Variants in NHSL1 observed in about 807,000 individuals in gnomAD.
The protein encoded by NHSL1 is NHS like 1, also known as NHS-like protein 1.
In NHSL1, 48 loss-of-function variants were observed where a neutral mutation model predicts 95.0. The ratio of observed to expected loss-of-function variants is 0.51; its 90% confidence interval spans 0.40 to 0.64. NHSL1 has a LOEUF of 0.64. Among genes scored for constraint, NHSL1 ranks in the 30% least tolerant of loss-of-function variants. NHSL1 has a pLI of 0.00. For synonymous variants in NHSL1, 783 were observed against 833.9 expected (o/e 0.94, Z 1.05); for missense variants, 1,971 against 2,077.7 (o/e 0.95, Z 1.00).
At position 138,471,791 on chromosome 6, in the gene NHSL1, C is replaced by T. The variant is rs575281164; in HGVS notation, c.339+1515G>A. ...AAAAAGGTAAGCACAGTGACAGATA[C>T]GTTAGTCTGATTTAATCATTCCATA... On this transcript the variant is annotated intron_variant, in intron 3 of 7. Coordinates refer to ENST00000343505, the MANE Select transcript of NHSL1 (RefSeq NM_001144060.2). Among the ~76,000 whole-genome samples, 14 of 152,170 alleles carry T rather than the reference C, an allele frequency of 9.2e-5. No individual in the cohort carries two copies. In the East Asian group the frequency reaches 2.1e-3, roughly 23 times the overall value.
intron 3 of NHSL1, among the ~76,000 whole-genome samples, chr6:138,469,573 G>A (rs1343911729): frequency 6.6e-6 from 1 of 151,878 alleles, no homozygotes; most frequent in Non-Finnish European, 1.5e-5. Context: ...AAAAATACAA[G>A]AATCAGCTGG....
intron 1 of NHSL1, among the ~76,000 whole-genome samples, chr6:138,666,816 G>A (rs1396544292): frequency 3.3e-5 from 5 of 152,118 alleles, no homozygotes; most frequent in Non-Finnish European, 5.9e-5. Flanking sequence ...ACGATGACTC[G>A]CTCTGAAGAG....
At chr6:138,455,953 C>T (rs934050402) in intron 3 of NHSL1, among the ~76,000 whole-genome samples, 4 of 152,212 alleles carry the variant, frequency 2.6e-5, no homozygotes, top group African/African-American at 9.6e-5. Context: ...GAATCATTTT[C>T]TTTGAAGCGT....
intron 2 of NHSL1, among the ~76,000 whole-genome samples, chr6:138,489,853 GGAGAGAGAGA>G (rs1202082058): frequency 2.7e-5 from 1 of 36,964 alleles, no homozygotes; most frequent in Admixed American, 2.9e-4. Flanking sequence ...AGGGAGAGAG[GGAGAGAGAGA>G]GAGAGAGAGG....
At chr6:138,588,203 C>T (rs2114513847) in intron 1 of NHSL1, among the ~76,000 whole-genome samples, 1 of 152,356 alleles carries the variant, frequency 6.6e-6, no homozygotes, top group African/African-American at 2.4e-5. Flanking sequence ...TGGCTTGCGC[C>T]TGTAATCTCA....
At chr6:138,659,727 T>G (rs1785202605) in intron 1 of NHSL1, among the ~76,000 whole-genome samples, 1 of 151,188 alleles carries the variant, frequency 6.6e-6, no homozygotes. Context: ...TTTTGTTTTT[T>G]TTTTTTTGAG....
At chr6:138,572,075 T>C (rs1446132110) in exon 1 of NHSL1, 2 of 580,430 alleles carry the variant, frequency 3.4e-6, no homozygotes, top group Non-Finnish European at 5.9e-6. Flanking sequence ...TGTCACCCAA[T>C]TAAAAAGAAA....
At chr6:138,592,333 T>C (rs1161275801) in intron 1 of NHSL1, among the ~76,000 whole-genome samples, 1 of 152,220 alleles carries the variant, frequency 6.6e-6, no homozygotes, top group Non-Finnish European at 1.5e-5. Context: ...GCACGGTAGC[T>C]CACACCTATA....
chr6:138,454,439 G>C (rs1200911638), intron 3 of NHSL1, among the ~76,000 whole-genome samples: 2 of 152,052 alleles, frequency 1.3e-5, no homozygotes, highest in Admixed American at 1.3e-4. Flanking sequence ...CTCCCCATAA[G>C]AGAATGAGAA....
At chr6:138,482,807 A>G (rs1163738319) in intron 2 of NHSL1, among the ~76,000 whole-genome samples, 1 of 152,198 alleles carries the variant, frequency 6.6e-6, no homozygotes, top group Non-Finnish European at 1.5e-5. Context: ...TGTAAAGGGT[A>G]GTGGGACTAA....
chr6:138,491,757 C>T (rs749736011), intron 2 of NHSL1, among the ~76,000 whole-genome samples: 14 of 152,048 alleles, frequency 9.2e-5, no homozygotes, highest in East Asian at 1.9e-4. Flanking sequence ...ATCTCTTATC[C>T]GAAATGCTTG....
At chr6:138,622,374 T>C (rs1213096714) in intron 1 of NHSL1, among the ~76,000 whole-genome samples, 3 of 151,694 alleles carry the variant, frequency 2.0e-5, no homozygotes, top group Admixed American at 6.6e-5. Context: ...CGTGGCCGCA[T>C]GCGCCTGTAG....
At chr6:138,466,789 T>A (rs1778408949) in intron 3 of NHSL1, among the ~76,000 whole-genome samples, 1 of 151,998 alleles carries the variant, frequency 6.6e-6, no homozygotes, top group African/African-American at 2.4e-5. Context: ...ATATGACACA[T>A]ATAAAAATAT....
chr6:138,635,566 G>C (rs1444015617), intron 1 of NHSL1, among the ~76,000 whole-genome samples: 2 of 151,998 alleles, frequency 1.3e-5, no homozygotes, highest in African/African-American at 4.8e-5. Flanking sequence ...AAGACCCAAT[G>C]GTTTAACTGC....
At chr6:138,540,437 G>A (rs1782535934) in intron 1 of NHSL1, among the ~76,000 whole-genome samples, 1 of 152,212 alleles carries the variant, frequency 6.6e-6, no homozygotes, top group Admixed American at 6.5e-5. Context: ...ACCTTCCAGA[G>A]CAAATGGTTG....
At chr6:138,650,932 G>A in intron 1 of NHSL1, 2 of 537,396 alleles carry the variant, frequency 3.7e-6, no homozygotes, top group African/African-American at 1.9e-5. Flanking sequence ...ATTTGGCATA[G>A]GTGAAGAAGC....
At chr6:138,643,036 G>T (rs1378754236) in intron 1 of NHSL1, among the ~76,000 whole-genome samples, 4 of 152,160 alleles carry the variant, frequency 2.6e-5, no homozygotes, top group Admixed American at 6.5e-5. Flanking sequence ...GCTTAAAACA[G>T]CAGGTAGAAG....
rs184910894 is a variant in NHSL1 at position 138,649,257 on chromosome 6, G to A, written c.96+43219C>T. Among the ~76,000 whole-genome samples the A allele has an allele frequency of 1.4e-3, 212 of 152,038 alleles. 1 individual carries two copies. The highest frequency in any genetic ancestry group is 2.5e-3 in the Non-Finnish European group (167 of 67,984). On this transcript the variant is annotated intron_variant, in intron 1 of 3. Coordinates refer to the NHSL1 transcript ENST00000491526. Reference sequence around the variant, plus strand: ...CTCTATACACTTCATCTAGTCAGTCGTCTCTCACTAGGAAAGGCAGAGAAT... The same window carrying A: ...CTCTATACACTTCATCTAGTCAGTCATCTCTCACTAGGAAAGGCAGAGAAT...
Position 138,424,479 on chromosome 6 carries a change from C to T in NHSL1, c.4423G>A (p.Ala1475Thr). The T allele has an allele frequency of 6.4e-7, 1 of 1,551,644 alleles. No individual in the cohort carries two copies. The highest frequency in any genetic ancestry group is 8.7e-7 in the Non-Finnish European group (1 of 1,146,960). ...TCGTTCTTGGCCCACTCCTCCTGCGCCCTTCTGTTCTTGCTTGGGGAGCAG... is the reference window on the plus strand; with the variant it reads ...TCGTTCTTGGCCCACTCCTCCTGCGTCCTTCTGTTCTTGCTTGGGGAGCAG... ...SSCSPSKNRR[A>T]QEEWAKNEGL... The change falls in exon 8 of 8, where the codon GCG (alanine) becomes ACG (threonine). Residue 1475 changes from alanine (A) to threonine (T), a missense_variant. This residue lies in a region of NHSL1 where 223 missense variants were observed against 217.0 expected (regional missense o/e 1.03). Transcript: ENST00000343505. The surrounding 1 kb of genome is among the most constrained non-coding windows in gnomAD (Gnocchi z 5.9).
Sources: allele counts gnomAD v4.1 joint callset (sites outside exome capture counted in the v4.1 genomes callset), GRCh38; gene constraint gnomAD v4.1.1; regional missense constraint gnomAD v4.1.1; non-coding constraint Gnocchi (gnomAD v3.1); transcripts MANE v1.5; gene names NCBI Gene and HGNC (gene_info 2026-07-23, HGNC 2026-07-21).